The following PLEKHG1 variants were observed in gnomAD, a reference collection of about 807,000 sequenced individuals.
PLEKHG1 encodes the protein pleckstrin homology domain-containing family G member 1.
A neutral mutation model predicts 100.8 loss-of-function variants in PLEKHG1; 44 were observed. That is an observed-to-expected ratio of 0.44 (90% CI 0.34 to 0.56). The LOEUF (loss-of-function observed/expected upper bound fraction) is 0.56. PLEKHG1 is among the 20% of genes least tolerant of loss of function. The pLI is 0.01. For synonymous variants in PLEKHG1, 640 were observed against 662.5 expected (o/e 0.97, Z 0.52); for missense variants, 1,545 against 1,720.9 (o/e 0.90, Z 1.81).
chr6:150,707,213 A>T (rs1483760053), intron 3 of PLEKHG1, among the ~76,000 whole-genome samples: 1 of 151,744 alleles, frequency 6.6e-6, no homozygotes, highest in Non-Finnish European at 1.5e-5. Context: ...CATGTTGGCC[A>T]GGCTGGTCTT....
chr6:150,649,126 C>A (rs556499069), intron 2 of PLEKHG1, among the ~76,000 whole-genome samples: 1 of 151,882 alleles, frequency 6.6e-6, no homozygotes, highest in Non-Finnish European at 1.5e-5. Flanking sequence ...TTTCTTTATT[C>A]TCTTCAATGA....
intron 15 of PLEKHG1, among the ~76,000 whole-genome samples, chr6:150,834,242 G>A (rs1777109592): frequency 6.6e-6 from 1 of 152,122 alleles, no homozygotes; most frequent in South Asian, 2.1e-4. Context: ...CTATTCTGAT[G>A]CTAGCGTTGC....
At position 150,683,589 on chromosome 6, in the gene PLEKHG1, A is replaced by G; in HGVS notation, c.-99+32803A>G. 1 of 315,880 alleles carries G rather than the reference A, an allele frequency of 3.2e-6. No homozygotes were observed. The highest frequency in any genetic ancestry group is 9.6e-5 in the East Asian group (1 of 10,446). The allele number at this position is 315,880 out of a possible 1,614,324, so 19.6% of individuals were successfully genotyped here. On this transcript the variant is annotated intron_variant, in intron 3 of 3. Coordinates refer to the PLEKHG1 transcript ENST00000367326. This position sits in a 1 kb window ranked among gnomAD's most constrained non-coding sequence, Gnocchi z 4.0. Reference sequence around the variant, plus strand: ...GACCACTGCTGTTCCCACAGCAGTCACGGTCATCACTTAGCTTCCTGTTGG... The same window carrying G: ...GACCACTGCTGTTCCCACAGCAGTCGCGGTCATCACTTAGCTTCCTGTTGG...
intron 5 of PLEKHG1, among the ~76,000 whole-genome samples, chr6:150,798,377 T>C (rs1472904250): frequency 1.3e-5 from 2 of 152,184 alleles, no homozygotes; most frequent in Admixed American, 1.3e-4. Context: ...TTTAAAGAAA[T>C]AATTCTTAAA....
At chr6:150,733,637 C>T in exon 2 of PLEKHG1, 2 of 1,613,988 alleles carry the variant, frequency 1.2e-6, no homozygotes, top group Non-Finnish European at 1.7e-6. Context: ...AGTTCCACAT[C>T]CCAAGACGAC....
At chr6:150,667,691 T>A (rs1779448656) in intron 3 of PLEKHG1, among the ~76,000 whole-genome samples, 1 of 152,202 alleles carries the variant, frequency 6.6e-6, no homozygotes, top group African/African-American at 2.4e-5. Context: ...TAGGAAATAA[T>A]ATTACCCGGT....
intron 1 of PLEKHG1, among the ~76,000 whole-genome samples, chr6:150,614,507 G>T (rs1776980763): frequency 7.8e-6 from 1 of 128,978 alleles, no homozygotes; most frequent in African/African-American, 2.6e-5. Context: ...GGACAGTGGT[G>T]GTCTTTCCAC....
chr6:150,800,521 A>G (rs1225691573), intron 5 of PLEKHG1, among the ~76,000 whole-genome samples, 198 bp from the exon 7 acceptor site: 1 of 152,208 alleles, frequency 6.6e-6, no homozygotes, highest in Admixed American at 6.5e-5. Flanking sequence ...TGCCACTGCC[A>G]GTGGGTCCGG....
chr6:150,779,971 A>G (rs965558103), intron 3 of PLEKHG1, among the ~76,000 whole-genome samples: 3 of 151,538 alleles, frequency 2.0e-5, no homozygotes, highest in African/African-American at 7.3e-5. Flanking sequence ...TCAAAAAAAA[A>G]AGAAAGAAAT....
At chr6:150,774,671 G>C (rs1308002747) in intron 3 of PLEKHG1, among the ~76,000 whole-genome samples, 1 of 149,886 alleles carries the variant, frequency 6.7e-6, no homozygotes, top group African/African-American at 2.5e-5. Context: ...CTCCCAAGTA[G>C]CTGGGACTAC....
chr6:150,839,706 C>T, intron 15 of PLEKHG1, 127 bp from the exon 17 acceptor site: 1 of 623,850 alleles, frequency 1.6e-6, no homozygotes, highest in South Asian at 2.0e-5. Context: ...CATCCTTAGA[C>T]ATCAGTTAGT....
intron 3 of PLEKHG1, among the ~76,000 whole-genome samples, chr6:150,707,765 A>G: frequency 6.6e-6 from 1 of 152,032 alleles, no homozygotes; most frequent in East Asian, 1.9e-4. Flanking sequence ...CACAGGTCAC[A>G]CTCTGTCTAA....
In PLEKHG1 at chr6:150,706,449, C is replaced by T. The variant is rs982005260; in HGVS notation, c.-98-27135C>T. Among the ~76,000 whole-genome samples, 5 of 132,744 alleles carry T rather than the reference C, an allele frequency of 3.8e-5. No homozygotes were observed. In the East Asian group the frequency reaches 7.0e-4, roughly 18 times the overall value. 87.1% of individuals were successfully genotyped at this position (132,744 alleles called of 152,430 possible). On this transcript the variant is annotated intron_variant, in intron 3 of 3. Transcript: ENST00000367326. ...GCAACATAGGGAAACCCCATCTCCA[C>T]ATATAATTTAAAAAATTAGCCAGGC...
Position 150,650,381 on chromosome 6 carries a change from C to T in PLEKHG1, c.-157-347C>T, listed in dbSNP as rs1007847157. The stretch of plus-strand genomic sequence containing the variant: ...CTGGTTTCTGGCAAGTCACTGAACT[C>T]CTCTGTTTACAGAGCTATTGTATGT... On this transcript the variant is annotated intron_variant, in intron 2 of 3. Coordinates refer to the PLEKHG1 transcript ENST00000367326. Among the ~76,000 whole-genome samples the T allele has an allele frequency of 5.9e-5, 9 of 152,278 alleles. No homozygotes were observed. In the South Asian group the frequency reaches 6.2e-4, roughly 11 times the overall value.
chr6:150,684,856 G>A (rs1780065100), intron 3 of PLEKHG1, among the ~76,000 whole-genome samples: 1 of 152,106 alleles, frequency 6.6e-6, no homozygotes, highest in Non-Finnish European at 1.5e-5. Flanking sequence ...TGCATCTCCG[G>A]GAAAGGCGTG....
chr6:150,694,755 C>G (rs1351117998), intron 3 of PLEKHG1, among the ~76,000 whole-genome samples: 2 of 151,538 alleles, frequency 1.3e-5, no homozygotes, highest in African/African-American at 4.8e-5. Context: ...AGTAAGTACT[C>G]AAAAAATGTT....
intron 2 of PLEKHG1, among the ~76,000 whole-genome samples, chr6:150,736,471 A>G (rs997547660): frequency 2.6e-5 from 4 of 152,208 alleles, no homozygotes; most frequent in African/African-American, 9.6e-5. Flanking sequence ...AGTCTTTCAC[A>G]AAAATAATCA....
chr6:150,750,226 GC>G (rs1377993683), intron 2 of PLEKHG1, among the ~76,000 whole-genome samples: 2 of 152,168 alleles, frequency 1.3e-5, no homozygotes, highest in Admixed American at 1.3e-4. Flanking sequence ...GTTTAGAGGG[GC>G]TATTACTTAA....
At chr6:150,601,434 T>G (rs1249920088) in intron 1 of PLEKHG1, among the ~76,000 whole-genome samples, 4 of 152,168 alleles carry the variant, frequency 2.6e-5, no homozygotes, top group Admixed American at 1.3e-4. Flanking sequence ...TTCTACGGCC[T>G]CCTGCTCATT....
Sources: gnomAD v4.1 joint callset for allele counts (sites outside exome capture counted in the v4.1 genomes callset) on GRCh38, gnomAD v4.1.1 for gene constraint, Gnocchi (gnomAD v3.1) non-coding constraint, MANE v1.5 for transcripts, NCBI Gene and HGNC (gene_info 2026-07-23, HGNC 2026-07-21) for gene names.